CSMD1: variants seen among roughly 807,000 people sequenced by gnomAD.
The protein encoded by CSMD1 is CUB and Sushi multiple domains 1, also known as CUB and sushi domain-containing protein 1.
Under a neutral mutation model 417.5 loss-of-function variants are expected in CSMD1, and 213 were observed. The ratio of observed to expected loss-of-function variants is 0.51; its 90% CI spans 0.46 to 0.57. CSMD1 has a LOEUF of 0.57. CSMD1 is among the 20% of genes least tolerant of loss of function. CSMD1 has a pLI of 0.00. For synonymous variants in CSMD1, 2,862 were observed against 1,736.8 expected (o/e 1.65, Z -16.11); for missense variants, 6,923 against 4,529.7 (o/e 1.53, Z -15.17).
At chr8:4,082,811 G>C (rs1389540097) in intron 3 of CSMD1, among the ~76,000 whole-genome samples, 1 of 128,448 alleles carries the variant, frequency 7.8e-6, no homozygotes, top group African/African-American at 3.0e-5. Context: ...TCCCTTTCCT[G>C]TGTCCATGCA....
intron 52 of CSMD1, among the ~76,000 whole-genome samples, chr8:3,014,843 G>A (rs555501944): frequency 6.2e-4 from 95 of 152,120 alleles, no homozygotes; most frequent in African/African-American, 1.8e-3. Context: ...TTGAGTCCAG[G>A]AGGTCGAGGT....
chr8:4,830,699 A>T (rs1342451130), intron 1 of CSMD1, among the ~76,000 whole-genome samples: 1 of 152,228 alleles, frequency 6.6e-6, no homozygotes, highest in South Asian at 2.1e-4. Flanking sequence ...CAATGGCAAC[A>T]CTGTATTGCA....
intron 3 of CSMD1, among the ~76,000 whole-genome samples, chr8:4,095,417 T>A (rs956993823): frequency 6.6e-6 from 1 of 151,892 alleles, no homozygotes; most frequent in Non-Finnish European, 1.5e-5. Context: ...AAAATGACAA[T>A]AGTGCAGCTA....
chr8:3,726,782 T>C (rs531951737), intron 6 of CSMD1, among the ~76,000 whole-genome samples: 1 of 152,294 alleles, frequency 6.6e-6, no homozygotes, highest in Non-Finnish European at 1.5e-5. Flanking sequence ...TAGCATGCCC[T>C]CTGATGGAAA....
intron 2 of CSMD1, among the ~76,000 whole-genome samples, chr8:4,499,405 A>G (rs558219931): frequency 1.3e-4 from 20 of 152,314 alleles, no homozygotes; most frequent in Admixed American, 1.0e-3. Flanking sequence ...GGTTCTTATT[A>G]CTTTATTGAG....
intron 5 of CSMD1, among the ~76,000 whole-genome samples, chr8:3,916,201 A>G (rs1198818907): frequency 6.6e-6 from 1 of 152,172 alleles, no homozygotes; most frequent in Non-Finnish European, 1.5e-5. Flanking sequence ...GATGAAGTAG[A>G]GACTTCCAGA....
intron 2 of CSMD1, among the ~76,000 whole-genome samples, chr8:4,600,569 T>A (rs1017765237): frequency 6.6e-6 from 1 of 152,224 alleles, no homozygotes. Flanking sequence ...CCTGATGTGC[T>A]CTCCATCCTA....
At chr8:4,120,246 G>C (rs1431542811) in intron 3 of CSMD1, among the ~76,000 whole-genome samples, 1 of 151,864 alleles carries the variant, frequency 6.6e-6, no homozygotes, top group African/African-American at 2.4e-5. Flanking sequence ...TGACTCCTGG[G>C]GCATAAAAAG....
intron 1 of CSMD1, among the ~76,000 whole-genome samples, chr8:4,808,133 G>A (rs1047390098): frequency 6.6e-6 from 1 of 152,166 alleles, no homozygotes; most frequent in Non-Finnish European, 1.5e-5. Context: ...CACAAAAGAG[G>A]AATCCACCAC....
chr8:2,992,531 C>A (rs1039212478), intron 54 of CSMD1, among the ~76,000 whole-genome samples: 2 of 151,942 alleles, frequency 1.3e-5, no homozygotes, highest in South Asian at 4.2e-4. Context: ...TCAAGCAATT[C>A]TCCTGCCTCA....
At chr8:2,989,756 GC>G (rs1352017699) in intron 54 of CSMD1, among the ~76,000 whole-genome samples, 5 of 152,096 alleles carry the variant, frequency 3.3e-5, no homozygotes, top group African/African-American at 1.2e-4. Context: ...TACAAAAAAA[GC>G]TTTTCATACT....
Position 4,461,649 on chromosome 8 carries a change from C to G in CSMD1, c.303-41584G>C, listed in dbSNP as rs908835790. 5.3e-5 allele frequency among the ~76,000 whole-genome samples: 8 copies of G among 151,560 alleles called. No individual in the cohort carries two copies. The East Asian group carries it at 7.7e-4, about 15-fold the overall frequency. ...CACTGCATCGTGTACCTCCTGGGCT[C>G]AAGCAATCCTCCCACCTCAGCCTGC... On this transcript the variant is annotated intron_variant, in intron 2 of 69. Coordinates refer to ENST00000635120, the MANE Select transcript of CSMD1 (RefSeq NM_033225.6).
intron 5 of CSMD1, among the ~76,000 whole-genome samples, chr8:3,904,724 C>T (rs1055622432): frequency 6.6e-6 from 1 of 150,750 alleles, no homozygotes; most frequent in African/African-American, 2.5e-5. Flanking sequence ...GCAACCTCGG[C>T]CTCCCGGGTT....
intron 1 of CSMD1, among the ~76,000 whole-genome samples, chr8:4,733,119 C>A (rs1810010923): frequency 6.6e-6 from 1 of 152,180 alleles, no homozygotes. Flanking sequence ...TAGAAGGCAA[C>A]CATTCATTCC....
chr8:3,190,956 TG>T (rs1370098942), intron 33 of CSMD1, among the ~76,000 whole-genome samples: 1 of 152,176 alleles, frequency 6.6e-6, no homozygotes, highest in Admixed American at 6.5e-5. Flanking sequence ...TGGTAGTTAC[TG>T]GGGGCTGGGG....
At chr8:3,075,981 G>A (rs1205943986) in intron 49 of CSMD1, among the ~76,000 whole-genome samples, 1 of 151,630 alleles carries the variant, frequency 6.6e-6, no homozygotes, top group African/African-American at 2.4e-5. Flanking sequence ...AACCTGGGAG[G>A]CGCAGCTTGC....
At position 3,982,417 on chromosome 8, in the gene CSMD1, G is replaced by C. The variant is rs535533777; in HGVS notation, c.818+15486C>G. ...AATTAAATGAGCTAATATATGGAAAGCACAATAAGACATGGAATTAATAGA... is the reference window on the plus strand; with the variant it reads ...AATTAAATGAGCTAATATATGGAAACCACAATAAGACATGGAATTAATAGA... On this transcript the variant is annotated intron_variant, in intron 5 of 69. Transcript: ENST00000635120. Among the ~76,000 whole-genome samples the C allele has an allele frequency of 5.3e-5, 8 of 151,784 alleles. No homozygotes were observed. In the South Asian group the frequency reaches 1.7e-3, roughly 32 times the overall value.
At position 3,214,591 on chromosome 8, in the gene CSMD1, G is replaced by A. The variant is rs1156232697; in HGVS notation, c.4773C>T (p.Asp1591=). 3.2e-6 allele frequency: 5 copies of A among 1,572,660 alleles called. No homozygotes were observed. Among genetic ancestry groups the A allele is most frequent in the South Asian group, 1.2e-5 (1 of 85,352 alleles). The part of the protein sequence containing the change: ...KLGSTITYQC[D]SGYKILDPSS... ...AGGGGTCAAGAATCTTATAGCCAGAGTCACACTGGTAGGTGATGGTGGAGC... is the reference window on the plus strand; with the variant it reads ...AGGGGTCAAGAATCTTATAGCCAGAATCACACTGGTAGGTGATGGTGGAGC... Residue 1591 remains aspartate (D), a synonymous_variant, in exon 30 of 70, where the codon GAC becomes GAT. Coordinates refer to ENST00000635120, the MANE Select transcript of CSMD1 (RefSeq NM_033225.6).
intron 68 of CSMD1, among the ~76,000 whole-genome samples, chr8:2,943,606 G>A (rs181454930): frequency 6.6e-6 from 1 of 152,322 alleles, no homozygotes; most frequent in East Asian, 1.9e-4. Context: ...GAATCAGCCA[G>A]GACTATGGAG....
Sources: allele counts gnomAD v4.1 joint callset (sites outside exome capture counted in the v4.1 genomes callset), GRCh38; gene constraint gnomAD v4.1.1; transcripts MANE v1.5; gene names NCBI Gene and HGNC (gene_info 2026-07-23, HGNC 2026-07-21).